The following SOBP variants were observed in gnomAD, a reference collection of about 807,000 sequenced individuals.
SOBP encodes the protein sine oculis-binding protein homolog.
In SOBP, 4 loss-of-function variants were observed where a neutral mutation model predicts 53.6. The ratio of observed to expected loss-of-function variants is 0.07; its 90% CI spans 0.04 to 0.17. The LOEUF (loss-of-function observed/expected upper bound fraction) is 0.17, where lower values mean the gene tolerates loss of function less well. Ranked by LOEUF, SOBP falls within the 10% of genes least tolerant of loss-of-function variation. The pLI, the probability that SOBP is intolerant of heterozygous loss-of-function variation, is 1.00. For missense variants in SOBP, 1,088 were observed against 1,204.7 expected (o/e 0.90, Z 1.43); for synonymous variants, 584 against 522.6 (o/e 1.12, Z -1.60).
intron 5 of SOBP, among the ~76,000 whole-genome samples, chr6:107,631,901 A>G (rs1309101518): frequency 6.6e-6 from 1 of 152,140 alleles, no homozygotes; most frequent in Non-Finnish European, 1.5e-5. Flanking sequence ...ATATCAGTGG[A>G]AAAAAAGCGA....
intron 4 of SOBP, among the ~76,000 whole-genome samples, chr6:107,575,084 C>T (rs1317578754): frequency 3.9e-5 from 6 of 152,192 alleles, no homozygotes; most frequent in Admixed American, 3.3e-4. Flanking sequence ...TTGAGATCTG[C>T]ACCTGGTGTC....
At position 107,634,318 on chromosome 6, in the gene SOBP, C is replaced by A; in HGVS notation, c.1474C>A (p.Pro492Thr). The change falls in exon 6 of 7, where the codon CCA becomes ACA. Residue 492 changes from proline to threonine, a missense_variant. By Grantham distance (38) the Pro-to-Thr change is conservative. This residue lies in a region of SOBP where 665 missense variants were observed against 629.7 expected (regional missense o/e 1.06). Coordinates refer to ENST00000317357, the MANE Select transcript of SOBP (RefSeq NM_018013.4). The surrounding 1 kb of genome is among the most constrained non-coding windows in gnomAD (Gnocchi z 4.5). The stretch of plus-strand genomic sequence containing the variant: ...CCCGCTGCCGAGTCTTCCCTTCCCG[C>A]CAGTGAGCATGATGCCAAATGGCCC... The part of the protein sequence containing the change: ...GAPLPSLPFP[P>T]VSMMPNGPMP... 1 of 1,580,754 alleles carries A rather than the reference C, an allele frequency of 6.3e-7. No homozygotes were observed. The highest frequency in any genetic ancestry group is 8.5e-7 in the Non-Finnish European group (1 of 1,170,550).
intron 3 of SOBP, among the ~76,000 whole-genome samples, chr6:107,533,159 A>G (rs1012946459): frequency 2.1e-4 from 30 of 144,848 alleles, no homozygotes; most frequent in Non-Finnish European, 4.4e-4. Context: ...AACTAGGCAG[A>G]TGAAGCTTTT....
chr6:107,551,818 C>T (rs994107990), intron 4 of SOBP, among the ~76,000 whole-genome samples: 1 of 152,044 alleles, frequency 6.6e-6, no homozygotes, highest in Non-Finnish European at 1.5e-5. Flanking sequence ...GTCAGGAGTT[C>T]GATACCAGCC....
intron 1 of SOBP, among the ~76,000 whole-genome samples, chr6:107,496,086 A>G (rs1364194996): frequency 6.6e-6 from 1 of 152,242 alleles, no homozygotes; most frequent in African/African-American, 2.4e-5. Context: ...TGCTGAATGT[A>G]TATTTTAGGA....
intron 3 of SOBP, among the ~76,000 whole-genome samples, chr6:107,527,845 CT>C (rs1783708978): frequency 6.6e-6 from 1 of 152,136 alleles, no homozygotes; most frequent in South Asian, 2.1e-4. Context: ...CTGCCTGTTG[CT>C]TTTCTTTTCT....
chr6:107,605,145 G>A (rs1319544892), intron 5 of SOBP, among the ~76,000 whole-genome samples: 2 of 152,128 alleles, frequency 1.3e-5, no homozygotes, highest in Non-Finnish European at 2.9e-5. Context: ...CAGTCTTTGT[G>A]CTTCCTGTAT....
intron 6 of SOBP, among the ~76,000 whole-genome samples, chr6:107,640,277 A>G (rs1771250018): frequency 6.6e-6 from 1 of 152,256 alleles, no homozygotes; most frequent in Non-Finnish European, 1.5e-5. Context: ...CTACTTTTAA[A>G]ACAAGGAAAA....
At chr6:107,559,745 G>T (rs1784721345) in intron 4 of SOBP, among the ~76,000 whole-genome samples, 1 of 152,184 alleles carries the variant, frequency 6.6e-6, no homozygotes, top group African/African-American at 2.4e-5. Flanking sequence ...ATTTTGTGTT[G>T]TGTGAGAGAA....
chr6:107,510,359 C>T (rs1025530518), intron 3 of SOBP, among the ~76,000 whole-genome samples: 2 of 152,022 alleles, frequency 1.3e-5, no homozygotes, highest in Non-Finnish European at 2.9e-5. Context: ...TGGACTTTGC[C>T]GAGGTGCAGT....
intron 4 of SOBP, among the ~76,000 whole-genome samples, chr6:107,580,783 A>T (rs893883705): frequency 6.6e-6 from 1 of 152,212 alleles, no homozygotes; most frequent in Non-Finnish European, 1.5e-5. Context: ...GGCCAAGACC[A>T]TGGTATCTAA....
At chr6:107,495,183 T>C (rs1459708837) in intron 1 of SOBP, among the ~76,000 whole-genome samples, 1 of 152,204 alleles carries the variant, frequency 6.6e-6, no homozygotes, top group East Asian at 1.9e-4. Flanking sequence ...GCCTCAGGTG[T>C]GCCACGTGGC....
intron 4 of SOBP, among the ~76,000 whole-genome samples, chr6:107,555,618 A>G (rs1784587704): frequency 6.6e-6 from 1 of 152,248 alleles, no homozygotes; most frequent in African/African-American, 2.4e-5. Context: ...ACTGCGCCCT[A>G]CGTGCAGATT....
At chr6:107,527,548 C>G (rs1465941239) in intron 3 of SOBP, among the ~76,000 whole-genome samples, 1 of 152,128 alleles carries the variant, frequency 6.6e-6, no homozygotes, top group Non-Finnish European at 1.5e-5. Context: ...AATTGCCACT[C>G]GTTCTAAGGA....
chr6:107,605,792 C>T (rs1245865415), intron 5 of SOBP, among the ~76,000 whole-genome samples: 3 of 152,204 alleles, frequency 2.0e-5, no homozygotes, highest in Non-Finnish European at 4.4e-5. Flanking sequence ...CCACCGGCAG[C>T]GGGGACATTG....
intron 5 of SOBP, among the ~76,000 whole-genome samples, chr6:107,593,084 C>T (rs1217164500): frequency 1.3e-5 from 2 of 152,226 alleles, no homozygotes; most frequent in Non-Finnish European, 2.9e-5. Flanking sequence ...CCACTTTCCT[C>T]TCTTCAGCCT....
intron 4 of SOBP, among the ~76,000 whole-genome samples, chr6:107,541,169 C>T (rs1784137172): frequency 2.0e-5 from 3 of 152,032 alleles, no homozygotes; most frequent in Admixed American, 2.0e-4. Flanking sequence ...GTTAACCACT[C>T]CTATTATAAA....
chr6:107,637,076 C>T lies in SOBP; in HGVS notation c.*3+1607C>T, dbSNP rs540493261. On this transcript the variant is annotated intron_variant, in intron 6 of 6. Transcript: ENST00000317357. ...TACCCACCTCAGTGGGTAAAACAACCCTCAGTTGTCATAGGGGAAAGTTTC... is the reference window on the plus strand; with the variant it reads ...TACCCACCTCAGTGGGTAAAACAACTCTCAGTTGTCATAGGGGAAAGTTTC... Among the ~76,000 whole-genome samples the T allele has an allele frequency of 1.2e-4, 19 of 152,204 alleles. 1 individual carries two copies. In the South Asian group the frequency reaches 3.9e-3, roughly 32 times the overall value.
intron 6 of SOBP, among the ~76,000 whole-genome samples, chr6:107,655,786 C>CT (rs1309821778): frequency 6.6e-6 from 1 of 152,132 alleles, no homozygotes. Context: ...TGGAAATTTT[C>CT]TTTAAGTAGG....
Sources: allele counts gnomAD v4.1 joint callset (sites outside exome capture counted in the v4.1 genomes callset), GRCh38; gene constraint gnomAD v4.1.1; regional missense constraint gnomAD v4.1.1; non-coding constraint Gnocchi (gnomAD v3.1); transcripts MANE v1.5; gene names NCBI Gene and HGNC (gene_info 2026-07-23, HGNC 2026-07-21).